The following CSMD1 variants were observed in gnomAD, a reference collection of about 807,000 sequenced individuals.
CSMD1 encodes CUB and Sushi multiple domains 1, also known as CUB and sushi domain-containing protein 1.
CSMD1 carries 213 observed loss-of-function variants against 417.5 expected under a neutral mutation model. That is an observed-to-expected ratio of 0.51 (90% CI 0.46 to 0.57). CSMD1 has a LOEUF of 0.57. CSMD1 is among the 20% of genes least tolerant of loss of function. The pLI is 0.00. For synonymous variants in CSMD1, 2,862 were observed against 1,736.8 expected, an observed-to-expected ratio of 1.65 and a Z score of -16.11; for missense variants, 6,923 against 4,529.7, an observed-to-expected ratio of 1.53 and a Z score of -15.17.
At chr8:3,701,916 T>C (rs1800892027) in intron 7 of CSMD1, among the ~76,000 whole-genome samples, 1 of 152,170 alleles carries the variant, frequency 6.6e-6, no homozygotes, top group South Asian at 2.1e-4. Flanking sequence ...TTGCTTTTCA[T>C]TAACTGAACT....
intron 1 of CSMD1, among the ~76,000 whole-genome samples, chr8:4,919,617 C>T (rs1249042171): frequency 6.6e-6 from 1 of 152,030 alleles, no homozygotes; most frequent in Admixed American, 6.6e-5. Flanking sequence ...ACAATTTGTA[C>T]CATAATATGA....
intron 1 of CSMD1, among the ~76,000 whole-genome samples, chr8:4,734,118 T>C (rs1810072124): frequency 6.6e-6 from 1 of 152,310 alleles, no homozygotes; most frequent in East Asian, 1.9e-4. Flanking sequence ...TTTATTTTTA[T>C]CAAAATTTTC....
At chr8:2,956,676 T>C (rs141883209) in intron 63 of CSMD1, among the ~76,000 whole-genome samples, 1,540 of 152,154 alleles carry the variant, frequency 0.01, 21 homozygotes, top group African/African-American at 0.033. Flanking sequence ...CAGGATGGTC[T>C]CGATCTCCTG....
chr8:4,163,341 A>G (rs1797275296), intron 3 of CSMD1, among the ~76,000 whole-genome samples: 1 of 152,180 alleles, frequency 6.6e-6, no homozygotes, highest in Admixed American at 6.6e-5. Flanking sequence ...TCCATTTCGC[A>G]TTCCCATCAG....
chr8:3,538,356 G>A (rs1011750883), intron 10 of CSMD1, among the ~76,000 whole-genome samples: 7 of 152,104 alleles, frequency 4.6e-5, no homozygotes, highest in African/African-American at 1.7e-4. Context: ...TGCTTCACCT[G>A]GGATGATGCA....
At chr8:3,544,873 A>C (rs1269579144) in intron 10 of CSMD1, among the ~76,000 whole-genome samples, 1 of 152,176 alleles carries the variant, frequency 6.6e-6, no homozygotes, top group East Asian at 1.9e-4. Context: ...AGTAAGTAAA[A>C]TGTCAATATG....
chr8:3,960,633 A>C (rs1812260349), intron 5 of CSMD1, among the ~76,000 whole-genome samples: 1 of 151,942 alleles, frequency 6.6e-6, no homozygotes, highest in Non-Finnish European at 1.5e-5. Flanking sequence ...AAATATTAAT[A>C]TGCACTGATT....
intron 3 of CSMD1, among the ~76,000 whole-genome samples, chr8:4,039,469 T>A (rs1455142867): frequency 6.6e-6 from 1 of 152,178 alleles, no homozygotes; most frequent in Non-Finnish European, 1.5e-5. Flanking sequence ...ACATTTCTTC[T>A]CTTTACTGGC....
At chr8:4,185,577 A>G (rs1798621398) in intron 3 of CSMD1, among the ~76,000 whole-genome samples, 1 of 152,310 alleles carries the variant, frequency 6.6e-6, no homozygotes, top group African/African-American at 2.4e-5. Flanking sequence ...GATCAAAAGT[A>G]TCCTACCTAT....
chr8:3,071,307 C>T (rs1813307927), intron 49 of CSMD1, among the ~76,000 whole-genome samples: 3 of 152,048 alleles, frequency 2.0e-5, no homozygotes, highest in Admixed American at 2.0e-4. Flanking sequence ...ACAATGAGAA[C>T]ACATGGACAC....
chr8:3,581,732 G>C (rs1487090902), intron 9 of CSMD1, among the ~76,000 whole-genome samples: 1 of 152,118 alleles, frequency 6.6e-6, no homozygotes, highest in African/African-American at 2.4e-5. Flanking sequence ...TGGCAGAAAC[G>C]ATCATTATCA....
chr8:3,591,665 T>C (rs972704399), intron 8 of CSMD1, among the ~76,000 whole-genome samples: 2 of 152,138 alleles, frequency 1.3e-5, no homozygotes, highest in African/African-American at 2.4e-5. Flanking sequence ...AATCTGCTGA[T>C]GCAACCAATA....
At chr8:3,977,397 A>G (rs1813516904) in intron 5 of CSMD1, among the ~76,000 whole-genome samples, 1 of 152,178 alleles carries the variant, frequency 6.6e-6, no homozygotes, top group Admixed American at 6.5e-5. Flanking sequence ...AGAAATTTCT[A>G]AAGGTTTTGT....
At chr8:3,973,069 T>C (rs1005060148) in intron 5 of CSMD1, among the ~76,000 whole-genome samples, 10 of 152,252 alleles carry the variant, frequency 6.6e-5, no homozygotes, top group African/African-American at 1.9e-4. Flanking sequence ...TGATAACAAA[T>C]GTTTGTTTTA....
chr8:4,039,586 T>C (rs957864036), intron 3 of CSMD1, among the ~76,000 whole-genome samples: 1 of 152,162 alleles, frequency 6.6e-6, no homozygotes, highest in Non-Finnish European at 1.5e-5. Flanking sequence ...TGCCTTCTAC[T>C]TTCAAAAAGT....
chr8:3,756,489 G>A (rs1232232915), intron 5 of CSMD1, among the ~76,000 whole-genome samples: 4 of 151,978 alleles, frequency 2.6e-5, no homozygotes, highest in Non-Finnish European at 2.9e-5. Flanking sequence ...GATATACACT[G>A]AAATTAAGCA....
intron 5 of CSMD1, among the ~76,000 whole-genome samples, chr8:3,782,684 G>A (rs983442996): frequency 1.3e-5 from 2 of 152,154 alleles, no homozygotes; most frequent in East Asian, 3.9e-4. Context: ...AACAATGTTT[G>A]AGAACAAGCT....
chr8:4,848,297 T>C (rs1801261587), intron 1 of CSMD1, among the ~76,000 whole-genome samples: 1 of 152,242 alleles, frequency 6.6e-6, no homozygotes, highest in Non-Finnish European at 1.5e-5. Context: ...TACCAGTTTT[T>C]GTGTGAATAC....
intron 3 of CSMD1, among the ~76,000 whole-genome samples, chr8:4,306,360 A>C (rs1250572208): frequency 1.3e-5 from 2 of 152,004 alleles, no homozygotes; most frequent in African/African-American, 4.8e-5. Flanking sequence ...GTGACTAATC[A>C]ATGAGCCTCA....
Sources: gnomAD v4.1 joint callset for allele counts (sites outside exome capture counted in the v4.1 genomes callset) on GRCh38, gnomAD v4.1.1 for gene constraint, MANE v1.5 for transcripts, NCBI Gene and HGNC (gene_info 2026-07-23, HGNC 2026-07-21) for gene names.